The following CDH13 variants were observed in gnomAD, a reference collection of about 807,000 sequenced individuals.
The protein encoded by CDH13 is cadherin-13.
Under a neutral mutation model 63.8 loss-of-function variants are expected in CDH13, and 24 were observed. That is an observed-to-expected ratio of 0.38 (90% confidence interval 0.27 to 0.53). The LOEUF (loss-of-function observed/expected upper bound fraction) is 0.53, where lower values mean the gene tolerates loss of function less well. Among genes scored for constraint, CDH13 ranks in the 20% least tolerant of loss-of-function variants. CDH13 has a pLI of 0.85. For missense variants in CDH13, 1,049 were observed against 903.1 expected (o/e 1.16, Z -2.07); for synonymous variants, 503 against 355.3 (o/e 1.42, Z -4.67).
At chr16:83,673,916 T>A (rs1914731648) in intron 9 of CDH13, among the ~76,000 whole-genome samples, 1 of 152,202 alleles carries the variant, frequency 6.6e-6, no homozygotes, top group South Asian at 2.1e-4. Context: ...CTTGCTGACT[T>A]CAGCTTTGCT....
intron 1 of CDH13, among the ~76,000 whole-genome samples, chr16:82,838,518 A>T (rs2038868733): frequency 6.6e-6 from 1 of 152,230 alleles, no homozygotes; most frequent in African/African-American, 2.4e-5. Context: ...GAAAATGCTG[A>T]ACTTACAGGG....
intron 4 of CDH13, among the ~76,000 whole-genome samples, chr16:83,129,906 C>T (rs16959308): frequency 0.019 from 2,939 of 152,230 alleles, 98 homozygotes; most frequent in African/African-American, 0.066. Flanking sequence ...CTGCTTTTAC[C>T]TCATTTCCTG....
chr16:83,107,945 A>G (rs1597350287), intron 3 of CDH13, among the ~76,000 whole-genome samples: 2 of 151,608 alleles, frequency 1.3e-5, no homozygotes, highest in South Asian at 2.1e-4. Context: ...CAGCCTCCCG[A>G]TTAGCAGGAA....
At chr16:83,744,920 G>A (rs939843063) in intron 10 of CDH13, among the ~76,000 whole-genome samples, 4 of 152,222 alleles carry the variant, frequency 2.6e-5, no homozygotes, top group Non-Finnish European at 4.4e-5. Flanking sequence ...CTGGGGGGAA[G>A]CAGCAGAGGG....
chr16:82,848,994 G>A (rs1790458865), intron 1 of CDH13, among the ~76,000 whole-genome samples: 1 of 152,158 alleles, frequency 6.6e-6, no homozygotes, highest in Non-Finnish European at 1.5e-5. Context: ...AAGTAAGACA[G>A]CCTTATTGCT....
chr16:83,779,733 C>A (rs1915387555), intron 11 of CDH13, among the ~76,000 whole-genome samples: 1 of 152,006 alleles, frequency 6.6e-6, no homozygotes, highest in African/African-American at 2.4e-5. Flanking sequence ...TGGCGTGCAC[C>A]TGTGGTCCCA....
intron 5 of CDH13, among the ~76,000 whole-genome samples, chr16:83,335,395 C>CAG (rs752497416): frequency 5.9e-5 from 9 of 151,364 alleles, no homozygotes; most frequent in Non-Finnish European, 1.0e-4. Context: ...GTGAGTCAAA[C>CAG]ACACACACAC....
At chr16:83,235,415 C>G (rs113551347) in intron 5 of CDH13, among the ~76,000 whole-genome samples, 1 of 152,302 alleles carries the variant, frequency 6.6e-6, no homozygotes, top group South Asian at 2.1e-4. Context: ...GAGCCTTCAT[C>G]TAACCGAATC....
intron 5 of CDH13, among the ~76,000 whole-genome samples, chr16:83,269,513 T>TGA (rs112571559): frequency 0.11 from 16,026 of 152,134 alleles, 1,087 homozygotes; most frequent in African/African-American, 0.19. Flanking sequence ...TAGAATAGTG[T>TGA]GAGTTGTTCC....
At chr16:83,040,880 G>C (rs1283994313) in intron 3 of CDH13, among the ~76,000 whole-genome samples, 2 of 152,138 alleles carry the variant, frequency 1.3e-5, no homozygotes, top group African/African-American at 4.8e-5. Flanking sequence ...AATGAACGAG[G>C]CAAACTGAGG....
intron 8 of CDH13, among the ~76,000 whole-genome samples, chr16:83,620,059 T>C (rs1909664857): frequency 6.6e-6 from 1 of 151,942 alleles, no homozygotes; most frequent in Non-Finnish European, 1.5e-5. Flanking sequence ...GCTGGATTTA[T>C]TCCAAGTGCA....
chr16:82,683,063 A>C (rs1329748535), intron 1 of CDH13, among the ~76,000 whole-genome samples: 1 of 152,224 alleles, frequency 6.6e-6, no homozygotes, highest in African/African-American at 2.4e-5. Context: ...CATGGAGCTT[A>C]GTGTTCTCAG....
At chr16:82,708,296 G>A (rs2031649542) in intron 1 of CDH13, among the ~76,000 whole-genome samples, 2 of 152,196 alleles carry the variant, frequency 1.3e-5, no homozygotes, top group Admixed American at 1.3e-4. Flanking sequence ...TGGGAGAGAA[G>A]GAGGAGAGAA....
intron 1 of CDH13, among the ~76,000 whole-genome samples, chr16:82,763,691 C>T (rs910462238): frequency 2.0e-5 from 3 of 152,072 alleles, no homozygotes; most frequent in Non-Finnish European, 4.4e-5. Flanking sequence ...TTATTACTCA[C>T]GTATTTTTTG....
At chr16:83,028,274 C>T (rs1351535926) in intron 2 of CDH13, among the ~76,000 whole-genome samples, 2 of 152,168 alleles carry the variant, frequency 1.3e-5, no homozygotes, top group African/African-American at 4.8e-5. Context: ...CTTCCAAAAA[C>T]TGAAACTAAG....
At chr16:83,225,614 T>G (rs1263031528) in intron 5 of CDH13, among the ~76,000 whole-genome samples, 1 of 152,184 alleles carries the variant, frequency 6.6e-6, no homozygotes, top group Non-Finnish European at 1.5e-5. Flanking sequence ...TCTGCCTTAG[T>G]AGATCTGTGA....
chr16:82,965,967 G>C (rs966403439), intron 2 of CDH13, among the ~76,000 whole-genome samples: 3 of 152,152 alleles, frequency 2.0e-5, no homozygotes, highest in African/African-American at 7.2e-5. Flanking sequence ...GAGTAATTCA[G>C]GGCATGAAAA....
chr16:82,989,813 G>A (rs952694605), intron 2 of CDH13, among the ~76,000 whole-genome samples: 3 of 152,256 alleles, frequency 2.0e-5, no homozygotes, highest in African/African-American at 7.2e-5. Flanking sequence ...TTTACGTTTA[G>A]ATGTTAGTTT....
chr16:83,762,048 C>A (rs201303259), intron 11 of CDH13, among the ~76,000 whole-genome samples: 1 of 152,054 alleles, frequency 6.6e-6, no homozygotes, highest in African/African-American at 2.4e-5. Flanking sequence ...GGTGACAGAG[C>A]GAGACCCCAC....
Sources: allele counts gnomAD v4.1 joint callset (sites outside exome capture counted in the v4.1 genomes callset), GRCh38; gene constraint gnomAD v4.1.1; transcripts MANE v1.5; gene names NCBI Gene and HGNC (gene_info 2026-07-23, HGNC 2026-07-21).